Variants in DSG3 observed in about 807,000 individuals in gnomAD.
DSG3 encodes desmoglein-3.
DSG3 carries 63 observed loss-of-function variants against 85.9 expected under a neutral mutation model. That is an observed-to-expected ratio of 0.73 (90% CI 0.60 to 0.90). DSG3 has a LOEUF of 0.90. Among genes scored for constraint, DSG3 ranks in the 40% least tolerant of loss-of-function variants. DSG3 has a pLI of 0.00. For synonymous variants in DSG3, 447 were observed against 441.9 expected (o/e 1.01, Z -0.14); for missense variants, 1,220 against 1,219.9 (o/e 1.00, Z 0.00).
In DSG3 at chr18:31,475,862, AAAG is replaced by A; in HGVS notation, c.2606_2608del (p.Glu869del). 3.7e-6 allele frequency: 6 copies of A among 1,614,196 alleles called. No individual in the cohort carries two copies. Among genetic ancestry groups the A allele is most frequent in the Non-Finnish European group, 4.2e-6 (5 of 1,180,048 alleles). ...AAGCCTTGGTGTTGATGGTGAAGGC[AAAG>A]AAGTTCAGCCACCCTCTAAAGACAG... On this transcript the variant is annotated inframe_deletion, in exon 16 of 16. Transcript: ENST00000257189.
In DSG3 at chr18:31,475,754, G is replaced by A; in HGVS notation, c.2494G>A (p.Gly832Ser). The change falls in exon 16 of 16, where the codon GGT (glycine) becomes AGT (serine). Residue 832 changes from glycine (G) to serine (S), a missense_variant. Gly to Ser is a moderately conservative substitution (Grantham distance 56). Coordinates refer to ENST00000257189, the MANE Select transcript of DSG3 (RefSeq NM_001944.3). ...CACTGGTTCTCCTGTGGGCTCCGTGGGTTGTTGCAGTTTTATTGCTGATGA... is the reference window on the plus strand; with the variant it reads ...CACTGGTTCTCCTGTGGGCTCCGTGAGTTGTTGCAGTTTTATTGCTGATGA... ...DATGSPVGSV[G>S]CCSFIADDLD... is the part of the protein sequence containing the mutation. The A allele has an allele frequency of 6.2e-7, 1 of 1,614,170 alleles. No homozygotes were observed.
At chr18:31,472,054 A>G (rs1030813345) in intron 12 of DSG3, among the ~76,000 whole-genome samples, 2 of 149,586 alleles carry the variant, frequency 1.3e-5, no homozygotes, top group Non-Finnish European at 2.9e-5. Flanking sequence ...CCAAAAAAAT[A>G]ACAACAAGAA....
Position 31,447,886 on chromosome 18 carries a change from G to A in DSG3, c.9G>A (p.Gly3=), listed in dbSNP as rs201263431. Residue 3 remains glycine, a synonymous_variant, in exon 1 of 16, where the codon GGG becomes GGA. Coordinates refer to ENST00000257189, the MANE Select transcript of DSG3 (RefSeq NM_001944.3). The part of the protein sequence containing the change: MM[G]LFPRTTGALA... ...CAGGGAAATCAGAGACAATGATGGG[G>A]CTCTTCCCCAGAACTACAGGGGCTC... 1.3e-6 allele frequency: 2 copies of A among 1,590,922 alleles called. No homozygotes were observed. The highest frequency in any genetic ancestry group is 1.1e-5 in the South Asian group (1 of 88,178).
In DSG3 at chr18:31,477,333, C is replaced by G. The variant is rs1026874797; in HGVS notation, c.*1073C>G. ...CCTGTGTTAGTCTTTGAAAATAGCT[C>G]ATTTTTTAAATGTCAGTGAGTAGAT... On this transcript the variant is annotated 3_prime_UTR_variant, in exon 16 of 16. Transcript: ENST00000257189. 26 of 152,266 alleles carry G rather than the reference C, an allele frequency of 1.7e-4. No individual in the cohort carries two copies. Among genetic ancestry groups the G allele is most frequent in the African/African-American group, 6.0e-4 (25 of 41,552 alleles). 9.4% of individuals were successfully genotyped at this position (152,266 alleles called of 1,614,324 possible). A position where few individuals can be genotyped will look rare whatever the true frequency, so the allele number is the denominator to read the frequency against.
At chr18:31,456,168 A>G (rs2072740605) in intron 1 of DSG3, among the ~76,000 whole-genome samples, 1 of 152,226 alleles carries the variant, frequency 6.6e-6, no homozygotes, top group South Asian at 2.1e-4. Flanking sequence ...ACTATTAGGC[A>G]TAGTTTTTGC....
Position 31,447,817 on chromosome 18 carries a change from A to T in DSG3, c.-61A>T. 1.4e-6 allele frequency: 2 copies of T among 1,441,338 alleles called. No individual in the cohort carries two copies. Among genetic ancestry groups the T allele is most frequent in the Non-Finnish European group, 1.9e-6 (2 of 1,058,702 alleles). The allele number at this position is 1,441,338 out of a possible 1,614,324, so 89.3% of individuals were successfully genotyped here. ...GGCTTTTCTTAGACATCAACTGCAG[A>T]CGGCTGGCAGGATAGAAGCAGCGGC... is the stretch of plus-strand genomic sequence containing the variant. On this transcript the variant is annotated 5_prime_UTR_variant, in exon 1 of 16. Coordinates refer to ENST00000257189, the MANE Select transcript of DSG3 (RefSeq NM_001944.3).
In DSG3 at chr18:31,474,422, T is replaced by G. The variant is rs551940387; in HGVS notation, c.2385+18T>G. ...TTTCTCAGGTAATTTGGTGAAAAAC[T>G]TTGTGGCTTGATTATCTTATTTACA... On this transcript the variant is annotated intron_variant, in intron 15 of 15. Coordinates refer to ENST00000257189, the MANE Select transcript of DSG3 (RefSeq NM_001944.3). 6.3e-7 allele frequency: 1 copy of G among 1,585,906 alleles called. No homozygotes were observed. The highest frequency in any genetic ancestry group is 1.4e-5 in the African/African-American group (1 of 73,958).
In DSG3 at chr18:31,459,228, GAGTCCC is replaced by G. The variant is rs763640446; in HGVS notation, c.517+53_517+58del. 6.0e-6 allele frequency: 9 copies of G among 1,509,712 alleles called. No individual in the cohort carries two copies. In the Admixed American group the frequency reaches 1.7e-4, roughly 29 times the overall value. 93.5% of individuals were successfully genotyped at this position (1,509,712 alleles called of 1,614,324 possible). ...TTTCAGTTTATCTACTTTCAAATAT[GAGTCCC>G]ACTACAATATGTCATTCTTATAAAC... On this transcript the variant is annotated intron_variant, in intron 5 of 15. Transcript: ENST00000257189.
At chr18:31,475,261 G>A (rs2072879267) in intron 15 of DSG3, among the ~76,000 whole-genome samples, 1 of 152,170 alleles carries the variant, frequency 6.6e-6, no homozygotes, top group African/African-American at 2.4e-5. Context: ...AAGTGCCAAG[G>A]TCTGACCTAG....
chr18:31,448,655 C>CAAAAAA (rs56245514), intron 1 of DSG3, among the ~76,000 whole-genome samples: 3 of 131,348 alleles, frequency 2.3e-5, no homozygotes, highest in African/African-American at 8.2e-5. Flanking sequence ...GTTCTTATAG[C>CAAAAAA]AAAAAAAAAA....
chr18:31,454,875 G>T (rs1391411633), intron 1 of DSG3, among the ~76,000 whole-genome samples: 1 of 151,900 alleles, frequency 6.6e-6, no homozygotes, highest in Non-Finnish European at 1.5e-5. Context: ...GCCCATGCCT[G>T]TAATCCCTGT....
intron 1 of DSG3, 58 bp from the exon 2 acceptor site, chr18:31,456,382 A>T: frequency 9.7e-7 from 1 of 1,034,346 alleles, no homozygotes; most frequent in Non-Finnish European, 1.3e-6. Context: ...TATTCATTGT[A>T]TATAATTCCT....
At chr18:31,462,143 G>C (rs1453559447) in intron 8 of DSG3, among the ~76,000 whole-genome samples, 1 of 151,904 alleles carries the variant, frequency 6.6e-6, no homozygotes, top group Non-Finnish European at 1.5e-5. Context: ...TGTGATTTTG[G>C]CTCACTGCAG....
chr18:31,455,295 G>GT (rs1001267739), intron 1 of DSG3, among the ~76,000 whole-genome samples: 30 of 148,680 alleles, frequency 2.0e-4, no homozygotes, highest in Admixed American at 2.7e-4. Flanking sequence ...TACTCTTCTA[G>GT]TTTTTTTTTT....
intron 15 of DSG3, 79 bp from the exon 16 acceptor site, chr18:31,475,567 T>C: frequency 6.6e-7 from 1 of 1,509,318 alleles, no homozygotes; most frequent in African/African-American, 1.4e-5. Flanking sequence ...ATAATCCAAA[T>C]GAGTTCTACA....
chr18:31,469,895 C>CA (rs58569940), intron 12 of DSG3, among the ~76,000 whole-genome samples: 19,525 of 151,846 alleles, frequency 0.13, 1,333 homozygotes, highest in African/African-American at 0.18. Context: ...ATTAAGATAG[C>CA]TAGGTTCTGA....
intron 1 of DSG3, among the ~76,000 whole-genome samples, chr18:31,450,524 G>C (rs1257452780): frequency 2.6e-5 from 4 of 152,202 alleles, no homozygotes; most frequent in Admixed American, 2.6e-4. Flanking sequence ...TCTCAAGTGG[G>C]AATGCTCATT....
At position 31,457,061 on chromosome 18, in the gene DSG3, G is replaced by A; in HGVS notation, c.153G>A (p.Trp51Ter). The A allele has an allele frequency of 6.2e-7, 1 of 1,613,238 alleles. No individual in the cohort carries two copies. Among genetic ancestry groups the A allele is most frequent in the Non-Finnish European group, 8.5e-7 (1 of 1,179,634 alleles). The change falls in exon 3 of 16, where the codon TGG becomes TGA. Residue 51 changes from tryptophan (W) to a stop codon, truncating the protein, a stop_gained. Coordinates refer to ENST00000257189, the MANE Select transcript of DSG3 (RefSeq NM_001944.3). LOFTEE classifies it high-confidence loss of function. ...QQAKRRQKREWVKFAKPCREG... is the reference protein window; with the variant it reads ...QQAKRRQKRE ...CTAAAAGAAGGCAAAAACGTGAATG[G>A]GTGAAATTTGCCAAACCCTGCAGAG... is the stretch of plus-strand genomic sequence containing the variant.
At position 31,476,977 on chromosome 18, in the gene DSG3, A is replaced by G. The variant is rs2072893228; in HGVS notation, c.*717A>G. The G allele has an allele frequency of 6.6e-6, 1 of 151,974 alleles. No individual in the cohort carries two copies. The highest frequency in any genetic ancestry group is 6.6e-5 in the Admixed American group (1 of 15,256). 9.4% of individuals were successfully genotyped at this position (151,974 alleles called of 1,614,324 possible). On this transcript the variant is annotated 3_prime_UTR_variant, in exon 16 of 16. Transcript: ENST00000257189. ...CGAGACTCCGTCTCAAAAAAAAAAA[A>G]AAAAAAAGAATCACAAGGTATTTGC...
Sources: allele counts gnomAD v4.1 joint callset (sites outside exome capture counted in the v4.1 genomes callset), GRCh38; gene constraint gnomAD v4.1.1; transcripts MANE v1.5; gene names NCBI Gene and HGNC (gene_info 2026-07-23, HGNC 2026-07-21).